The following ZNF407 variants were observed in gnomAD, a reference collection of about 807,000 sequenced individuals.
ZNF407 encodes the protein zinc finger protein 407.
Under a neutral mutation model 131.2 loss-of-function variants are expected in ZNF407, and 17 were observed. That is an observed-to-expected ratio of 0.13 (90% CI 0.09 to 0.19). The LOEUF (loss-of-function observed/expected upper bound fraction) is 0.19. Ranked by LOEUF, ZNF407 falls within the 10% of genes least tolerant of loss-of-function variation. ZNF407 has a pLI of 1.00. For missense variants in ZNF407, 2,681 were observed against 2,830.6 expected (o/e 0.95, Z 1.20); for synonymous variants, 1,156 against 1,062.0 (o/e 1.09, Z -1.72).
chr18:75,024,264 G>A (rs1194588197), intron 8 of ZNF407, among the ~76,000 whole-genome samples: 1 of 152,176 alleles, frequency 6.6e-6, no homozygotes, highest in African/African-American at 2.4e-5. Context: ...TTAAGAGGGA[G>A]AATTCTGTTA....
intron 4 of ZNF407, among the ~76,000 whole-genome samples, chr18:74,826,097 AGGTTACTTTACTTTT>A (rs1181037638): frequency 2.6e-5 from 4 of 152,160 alleles, no homozygotes; most frequent in African/African-American, 9.6e-5. Context: ...TTTTATTATT[AGGTTACTTTACTTTT>A]GTAGAACTTT....
intron 4 of ZNF407, among the ~76,000 whole-genome samples, chr18:74,817,822 G>T (rs1345963266): frequency 6.6e-6 from 1 of 152,142 alleles, no homozygotes; most frequent in Non-Finnish European, 1.5e-5. Context: ...TGTAGTGTGG[G>T]ATGCAAACTA....
At position 75,043,661 on chromosome 18, in the gene ZNF407, C is replaced by T. The variant is rs116602046; in HGVS notation, c.5429-19489C>T. On this transcript the variant is annotated intron_variant, in intron 8 of 8. Transcript: ENST00000299687. ...ATGCAGTGTTCTGCTTTGCAAGTGCCGTGTTGTCTTAAAGCAGCAAAGTTT... is the reference window on the plus strand; with the variant it reads ...ATGCAGTGTTCTGCTTTGCAAGTGCTGTGTTGTCTTAAAGCAGCAAAGTTT... Among the ~76,000 whole-genome samples, 1,362 of 152,266 alleles carry T rather than the reference C, an allele frequency of 8.9e-3. 21 individuals are homozygous for T. Among genetic ancestry groups the T allele is most frequent in the African/African-American group, 0.03 (1,252 of 41,548 alleles).
chr18:74,780,086 A>T (rs919465088), intron 3 of ZNF407, among the ~76,000 whole-genome samples: 1 of 151,772 alleles, frequency 6.6e-6, no homozygotes, highest in Admixed American at 6.6e-5. Context: ...CATTTTAGTG[A>T]TTGATGTTGG....
At chr18:75,044,989 G>A (rs1973416672) in intron 8 of ZNF407, among the ~76,000 whole-genome samples, 1 of 151,338 alleles carries the variant, frequency 6.6e-6, no homozygotes. Flanking sequence ...AAGAAAAAGA[G>A]TGCATTGTCA....
chr18:75,054,151 A>T (rs138736975), intron 8 of ZNF407, among the ~76,000 whole-genome samples: 1 of 152,382 alleles, frequency 6.6e-6, no homozygotes, highest in African/African-American at 2.4e-5. Flanking sequence ...CATAGAGAAG[A>T]AATCCGCATT....
intron 8 of ZNF407, among the ~76,000 whole-genome samples, chr18:75,050,981 T>G (rs1568312119): frequency 6.6e-6 from 1 of 152,158 alleles, no homozygotes; most frequent in African/African-American, 2.4e-5. Flanking sequence ...TTGTCTTCTT[T>G]TTAAAGCAAT....
intron 7 of ZNF407, among the ~76,000 whole-genome samples, chr18:74,890,692 G>C (rs1971372101): frequency 6.6e-6 from 1 of 152,036 alleles, no homozygotes. Flanking sequence ...CTGCCTTTAA[G>C]GATATAGCAT....
At chr18:74,934,447 G>C (rs1338491095) in intron 8 of ZNF407, among the ~76,000 whole-genome samples, 2 of 152,192 alleles carry the variant, frequency 1.3e-5, no homozygotes, top group East Asian at 1.9e-4. Context: ...GAACTTTGCT[G>C]TCTTAAATGG....
chr18:74,943,021 T>A (rs1972117408), intron 8 of ZNF407, among the ~76,000 whole-genome samples: 1 of 152,032 alleles, frequency 6.6e-6, no homozygotes, highest in Admixed American at 6.5e-5. Flanking sequence ...GGTTCAAGCA[T>A]TCTCCTGCTT....
chr18:74,855,941 C>T (rs898189035), intron 4 of ZNF407, among the ~76,000 whole-genome samples: 4 of 152,086 alleles, frequency 2.6e-5, no homozygotes, highest in African/African-American at 9.7e-5. Context: ...AGAGAGCTGC[C>T]GTATTATCAC....
At chr18:75,041,158 A>G (rs1460605133) in intron 8 of ZNF407, among the ~76,000 whole-genome samples, 1 of 152,250 alleles carries the variant, frequency 6.6e-6, no homozygotes, top group African/African-American at 2.4e-5. Flanking sequence ...GAGGTGGACA[A>G]GCTGCCCAGG....
At chr18:74,931,144 A>T (rs1971978256) in intron 8 of ZNF407, among the ~76,000 whole-genome samples, 1 of 152,254 alleles carries the variant, frequency 6.6e-6, no homozygotes, top group Non-Finnish European at 1.5e-5. Flanking sequence ...ATGACCTTGA[A>T]TTAGGCAATT....
chr18:74,715,982 C>T (rs1476741607), intron 3 of ZNF407, among the ~76,000 whole-genome samples: 3 of 152,152 alleles, frequency 2.0e-5, no homozygotes, highest in Admixed American at 2.0e-4. Context: ...CCATTATTTC[C>T]CATCCGTAAG....
rs113870519 is a variant in ZNF407, at chr18:74,690,824, G to T, written c.4802+49702G>T. Among the ~76,000 whole-genome samples the T allele has an allele frequency of 2.3e-3, 354 of 152,214 alleles. 1 individual carries two copies. Among genetic ancestry groups the T allele is most frequent in the African/African-American group, 8.2e-3 (339 of 41,544 alleles). Reference sequence around the variant, plus strand: ...GATTTTTATTTAGAGTCAAACTCTTGGTTTCAGTTAGAGCTGTTTTTGGTT... The same window carrying T: ...GATTTTTATTTAGAGTCAAACTCTTTGTTTCAGTTAGAGCTGTTTTTGGTT... On this transcript the variant is annotated intron_variant, in intron 3 of 8. Coordinates refer to ENST00000299687, the MANE Select transcript of ZNF407 (RefSeq NM_017757.3).
At chr18:75,038,812 G>C (rs1973339892) in intron 8 of ZNF407, among the ~76,000 whole-genome samples, 1 of 152,160 alleles carries the variant, frequency 6.6e-6, no homozygotes, top group African/African-American at 2.4e-5. Context: ...ATGGAATACT[G>C]TTCCTTTGTG....
Position 74,807,496 on chromosome 18 carries a change from T to C in ZNF407, c.4877+25994T>C, listed in dbSNP as rs188351299. On this transcript the variant is annotated intron_variant, in intron 4 of 8. Transcript: ENST00000299687. ...ATAGTATGGTGCTCAAGTTCCCCTATGATAGTATTTCAAACTTCTGTATCC... is the reference window on the plus strand; with the variant it reads ...ATAGTATGGTGCTCAAGTTCCCCTACGATAGTATTTCAAACTTCTGTATCC... Among the ~76,000 whole-genome samples the C allele has an allele frequency of 9.6e-3, 1,460 of 152,304 alleles. 12 individuals are homozygous for C. The highest frequency in any genetic ancestry group is 0.017 in the Non-Finnish European group (1,124 of 68,024).
chr18:74,745,772 C>T (rs913690867), intron 3 of ZNF407, among the ~76,000 whole-genome samples: 2 of 151,996 alleles, frequency 1.3e-5, no homozygotes, highest in East Asian at 1.9e-4. Context: ...TTTAGGAAAC[C>T]GGTCTTATGG....
intron 3 of ZNF407, among the ~76,000 whole-genome samples, chr18:74,701,867 G>A (rs965866773): frequency 3.3e-5 from 5 of 152,030 alleles, no homozygotes; most frequent in East Asian, 3.9e-4. Flanking sequence ...TTAGGAAATC[G>A]ATTTCATAAG....
Sources: gnomAD v4.1 joint callset for allele counts (sites outside exome capture counted in the v4.1 genomes callset) on GRCh38, gnomAD v4.1.1 for gene constraint, MANE v1.5 for transcripts, NCBI Gene and HGNC (gene_info 2026-07-23, HGNC 2026-07-21) for gene names.